COL24A1: variants seen among roughly 807,000 people sequenced by gnomAD.
COL24A1 encodes the protein collagen alpha-1(XXIV) chain.
A neutral mutation model predicts 253.9 loss-of-function variants in COL24A1; 224 were observed. The ratio of observed to expected loss-of-function variants is 0.88; its 90% CI spans 0.79 to 0.99. COL24A1 has a LOEUF of 0.99. Among genes scored for constraint, COL24A1 ranks in the 50% least tolerant of loss-of-function variants. COL24A1 has a pLI of 0.00. For missense variants in COL24A1, 2,131 were observed against 2,068.5 expected (o/e 1.03, Z -0.59); for synonymous variants, 685 against 673.7 (o/e 1.02, Z -0.26).
chr1:85,944,992 C>A (rs1689120489), intron 24 of COL24A1, among the ~76,000 whole-genome samples: 1 of 74,980 alleles, frequency 1.3e-5, no homozygotes, highest in Non-Finnish European at 2.7e-5. Flanking sequence ...TTAATCCAGT[C>A]TATCATTGTG....
At chr1:85,926,179 A>G (rs1687189418) in intron 24 of COL24A1, among the ~76,000 whole-genome samples, 1 of 152,278 alleles carries the variant, frequency 6.6e-6, no homozygotes, top group South Asian at 2.1e-4. Context: ...GAAACAACAG[A>G]TGCTGGAGAG....
At chr1:85,943,458 C>T (rs949932013) in intron 24 of COL24A1, among the ~76,000 whole-genome samples, 1 of 152,214 alleles carries the variant, frequency 6.6e-6, no homozygotes, top group Non-Finnish European at 1.5e-5. Context: ...TATGGGAAAG[C>T]TGAGTATCAT....
At chr1:85,970,791 T>C (rs1271779877) in intron 21 of COL24A1, among the ~76,000 whole-genome samples, 7 of 152,328 alleles carry the variant, frequency 4.6e-5, no homozygotes, top group Non-Finnish European at 8.8e-5. Context: ...AATTCTAGTA[T>C]ATATGAGTGA....
At chr1:85,995,242 G>T (rs1571521697) in intron 19 of COL24A1, among the ~76,000 whole-genome samples, 1 of 152,058 alleles carries the variant, frequency 6.6e-6, no homozygotes, top group Non-Finnish European at 1.5e-5. Flanking sequence ...ACCACGTTCA[G>T]CTAATTAAAA....
chr1:86,136,314 T>C (rs1650239883), intron 2 of COL24A1, among the ~76,000 whole-genome samples: 1 of 152,070 alleles, frequency 6.6e-6, no homozygotes, highest in Non-Finnish European at 1.5e-5. Flanking sequence ...TGGGGTGTGT[T>C]TCTCACCTTC....
In COL24A1 at chr1:86,148,391, C is replaced by T. The variant is rs185689616; in HGVS notation, c.57-2208G>A. 3.7e-4 allele frequency among the ~76,000 whole-genome samples: 56 copies of T among 152,058 alleles called. No homozygotes were observed. The East Asian group carries it at 8.9e-3, about 24-fold the overall frequency. On this transcript the variant is annotated intron_variant, in intron 1 of 59. Transcript: ENST00000370571. The stretch of plus-strand genomic sequence containing the variant: ...TACTTTAAGTTTTAGGGTACAAGTG[C>T]ACAATGTGCAGGTTAGTTACATATG...
chr1:85,823,964 T>A (rs1473200116), intron 43 of COL24A1, among the ~76,000 whole-genome samples: 1 of 152,090 alleles, frequency 6.6e-6, no homozygotes, highest in East Asian at 1.9e-4. Context: ...TTTTTTTTAA[T>A]GTGAATTAAT....
chr1:86,037,170 CTCATT>C (rs1270737239), intron 12 of COL24A1, among the ~76,000 whole-genome samples: 8 of 152,228 alleles, frequency 5.3e-5, no homozygotes, highest in Admixed American at 3.9e-4. Flanking sequence ...TTTCTATTTT[CTCATT>C]TATTTCCAGT....
intron 10 of COL24A1, among the ~76,000 whole-genome samples, chr1:86,057,140 G>A (rs1232309452): frequency 6.6e-6 from 1 of 152,030 alleles, no homozygotes; most frequent in Admixed American, 6.6e-5. Flanking sequence ...CATCTCCTTG[G>A]TGACAAGTGA....
At chr1:86,057,716 GA>G (rs1256109925) in intron 10 of COL24A1, among the ~76,000 whole-genome samples, 1 of 152,030 alleles carries the variant, frequency 6.6e-6, no homozygotes, top group Non-Finnish European at 1.5e-5. Context: ...TTATGCTATG[GA>G]AATAAATATA....
chr1:86,121,571 C>T (rs892223814), intron 3 of COL24A1, among the ~76,000 whole-genome samples: 5 of 151,892 alleles, frequency 3.3e-5, no homozygotes, highest in African/African-American at 1.2e-4. Flanking sequence ...AAAAGAAACT[C>T]TTTGATGAAA....
intron 13 of COL24A1, among the ~76,000 whole-genome samples, chr1:86,032,141 T>C (rs17128761): frequency 0.027 from 4,040 of 152,274 alleles, 179 homozygotes; most frequent in African/African-American, 0.093. Flanking sequence ...CTAAATGCTT[T>C]TGGATGCCAG....
chr1:85,754,776 T>C (rs1666032399), intron 55 of COL24A1, among the ~76,000 whole-genome samples: 1 of 151,640 alleles, frequency 6.6e-6, no homozygotes, highest in South Asian at 2.1e-4. Context: ...GATTATCCTG[T>C]TTGAGGAGTG....
intron 7 of COL24A1, among the ~76,000 whole-genome samples, chr1:86,076,005 AC>A (rs1233174563): frequency 2.0e-5 from 3 of 152,252 alleles, no homozygotes; most frequent in Non-Finnish European, 4.4e-5. Flanking sequence ...GCCCTCTCTC[AC>A]CACTTCTATT....
intron 2 of COL24A1, among the ~76,000 whole-genome samples, chr1:86,136,859 C>T (rs1315855078): frequency 6.6e-6 from 1 of 152,060 alleles, no homozygotes; most frequent in African/African-American, 2.4e-5. Flanking sequence ...AATTGTCATC[C>T]TAATTTTAAG....
chr1:86,155,912 TCGC>T (rs1298158725), intron 1 of COL24A1: 1 of 162,562 alleles, frequency 6.2e-6, no homozygotes. Context: ...GTCACAGCAA[TCGC>T]CAGGCTGGAC....
intron 2 of COL24A1, among the ~76,000 whole-genome samples, chr1:86,144,372 C>A (rs1382417155): frequency 6.6e-6 from 1 of 151,926 alleles, no homozygotes; most frequent in Non-Finnish European, 1.5e-5. Flanking sequence ...ATAATAATAT[C>A]TTTGGTAAAT....
intron 24 of COL24A1, among the ~76,000 whole-genome samples, chr1:85,946,056 A>G (rs535371975): frequency 6.6e-6 from 1 of 152,242 alleles, no homozygotes; most frequent in South Asian, 2.1e-4. Flanking sequence ...TTGTGCCTCA[A>G]CTGTTTGTGC....
intron 36 of COL24A1, 32 bp downstream of exon 36, chr1:85,868,750 A>G (rs1226063359): frequency 5.5e-6 from 8 of 1,444,576 alleles, no homozygotes; most frequent in Non-Finnish European, 7.5e-6. Context: ...CAAAACATCT[A>G]TTTTATATAT....
Sources: gnomAD v4.1 joint callset for allele counts (sites outside exome capture counted in the v4.1 genomes callset) on GRCh38, gnomAD v4.1.1 for gene constraint, MANE v1.5 for transcripts, NCBI Gene and HGNC (gene_info 2026-07-23, HGNC 2026-07-21) for gene names.